The following CCNY variants were observed in gnomAD, a reference collection of about 807,000 sequenced individuals.
CCNY encodes cyclin Y.
Under a neutral mutation model 42.8 loss-of-function variants are expected in CCNY, and 19 were observed. That is an observed-to-expected ratio of 0.44 (90% confidence interval 0.31 to 0.65). CCNY has a LOEUF of 0.65. Among genes scored for constraint, CCNY ranks in the 30% least tolerant of loss-of-function variants. CCNY has a pLI of 0.07. For missense variants in CCNY, 370 were observed against 437.3 expected (o/e 0.85, Z 1.37); for synonymous variants, 165 against 162.7 (o/e 1.01, Z -0.11).
intron 1 of CCNY, among the ~76,000 whole-genome samples, chr10:35,339,069 T>A (rs906514380): frequency 2.0e-5 from 3 of 152,218 alleles, no homozygotes; most frequent in African/African-American, 7.2e-5. Flanking sequence ...TAGGGCAGGT[T>A]TCCAATCTAG....
At chr10:35,420,361 A>G (rs1838133830) in intron 1 of CCNY, among the ~76,000 whole-genome samples, 1 of 152,194 alleles carries the variant, frequency 6.6e-6, no homozygotes, top group African/African-American at 2.4e-5. Context: ...AGCGAGCCCT[A>G]GAAACCAGGC....
intron 1 of CCNY, among the ~76,000 whole-genome samples, chr10:35,470,041 C>T (rs1208328696): frequency 1.5e-5 from 2 of 136,006 alleles, no homozygotes; most frequent in African/African-American, 5.8e-5. Flanking sequence ...AGTGGAGAGA[C>T]AGACAGGGAG....
chr10:35,522,973 G>A (rs1265469138), intron 4 of CCNY, among the ~76,000 whole-genome samples: 1 of 152,198 alleles, frequency 6.6e-6, no homozygotes, highest in East Asian at 1.9e-4. Flanking sequence ...AGACCTGGCT[G>A]TTCGGGTGAA....
intron 3 of CCNY, among the ~76,000 whole-genome samples, chr10:35,298,249 C>A (rs1835494298): frequency 6.6e-6 from 1 of 152,134 alleles, no homozygotes; most frequent in Admixed American, 6.6e-5. Flanking sequence ...TATAATCTCA[C>A]CATATTCAAG....
intron 1 of CCNY, among the ~76,000 whole-genome samples, chr10:35,406,817 C>T (rs1437567874): frequency 2.6e-5 from 4 of 151,872 alleles, no homozygotes; most frequent in African/African-American, 4.8e-5. Context: ...CAGGCAGAGG[C>T]GCCCCTCACC....
intron 7 of CCNY, among the ~76,000 whole-genome samples, chr10:35,544,506 A>C (rs920936309): frequency 1.3e-5 from 2 of 152,190 alleles, no homozygotes; most frequent in African/African-American, 4.8e-5. Flanking sequence ...ACAAGGATTG[A>C]ATTGCCTAAT....
intron 3 of CCNY, among the ~76,000 whole-genome samples, chr10:35,297,543 G>A (rs937130746): frequency 1.1e-4 from 16 of 152,250 alleles, no homozygotes; most frequent in Middle Eastern, 3.4e-3. Flanking sequence ...AGGAAGAGAG[G>A]AAGTCAAACT....
rs763262866 is a variant in CCNY, at chr10:35,337,044, G to C, written c.-10G>C. ...ACAGGATAGCAGCAGGAGTCGGGGG[G>C]CCGCCGAAGATGGGGAACACTACCT... On this transcript the variant is annotated 5_prime_UTR_variant, in exon 1 of 10. Transcript: ENST00000374704. The C allele has an allele frequency of 6.4e-6, 10 of 1,554,032 alleles. No homozygotes were observed. Among genetic ancestry groups the C allele is most frequent in the Non-Finnish European group, 8.7e-6 (10 of 1,149,878 alleles).
At chr10:35,385,872 G>C (rs1241992603) in intron 1 of CCNY, among the ~76,000 whole-genome samples, 1 of 152,168 alleles carries the variant, frequency 6.6e-6, no homozygotes, top group Non-Finnish European at 1.5e-5. Context: ...AAGAGAAAAG[G>C]TCAGCATCAT....
At chr10:35,494,707 A>G (rs1839972958) in intron 2 of CCNY, among the ~76,000 whole-genome samples, 1 of 152,256 alleles carries the variant, frequency 6.6e-6, no homozygotes, top group African/African-American at 2.4e-5. Context: ...CAATCAGTCA[A>G]AATGCTAACA....
chr10:35,503,097 C>T (rs961250535), intron 3 of CCNY, among the ~76,000 whole-genome samples: 1 of 152,134 alleles, frequency 6.6e-6, no homozygotes, highest in Non-Finnish European at 1.5e-5. Context: ...GCCCCACCCC[C>T]CCAACAGGCA....
At chr10:35,322,098 G>A (rs1314758192) in intron 3 of CCNY, among the ~76,000 whole-genome samples, 1 of 152,230 alleles carries the variant, frequency 6.6e-6, no homozygotes, top group African/African-American at 2.4e-5. Flanking sequence ...GCTCACGCCT[G>A]TAATCCCAGC....
At chr10:35,283,417 T>TA (rs1245282524) in intron 3 of CCNY, among the ~76,000 whole-genome samples, 2 of 152,002 alleles carry the variant, frequency 1.3e-5, no homozygotes, top group East Asian at 3.9e-4. Context: ...TTTTTTTTTT[T>TA]AGAGACTGAG....
chr10:35,261,421 A>G (rs1410555369), intron 3 of CCNY, among the ~76,000 whole-genome samples: 1 of 151,654 alleles, frequency 6.6e-6, no homozygotes, highest in African/African-American at 2.4e-5. Context: ...TATTTTTAGT[A>G]GAGACAGGGT....
chr10:35,363,302 C>T (rs1421769099), intron 1 of CCNY, among the ~76,000 whole-genome samples: 1 of 141,510 alleles, frequency 7.1e-6, no homozygotes, highest in African/African-American at 2.7e-5. Flanking sequence ...ACTTCCCAGA[C>T]GGTTGGGGGG....
chr10:35,333,609 T>G (rs1244216095), upstream of CCNY, among the ~76,000 whole-genome samples: 3 of 152,206 alleles, frequency 2.0e-5, no homozygotes, highest in African/African-American at 7.2e-5. Context: ...AATTAGGACA[T>G]TTCTCAGTAT....
At chr10:35,406,732 A>G (rs962731782) in intron 1 of CCNY, among the ~76,000 whole-genome samples, 2 of 151,974 alleles carry the variant, frequency 1.3e-5, no homozygotes, top group African/African-American at 2.4e-5. Context: ...CCTGTTCTCA[A>G]TGAGCTGTTG....
chr10:35,445,588 CAG>C (rs1838774186), intron 1 of CCNY, among the ~76,000 whole-genome samples: 1 of 151,952 alleles, frequency 6.6e-6, no homozygotes, highest in Non-Finnish European at 1.5e-5. Context: ...GGGAGGGAGA[CAG>C]AAGCCATGTT....
At chr10:35,282,873 C>T (rs1835313774) in intron 3 of CCNY, among the ~76,000 whole-genome samples, 1 of 152,146 alleles carries the variant, frequency 6.6e-6, no homozygotes, top group African/African-American at 2.4e-5. Flanking sequence ...TGCTTAACAA[C>T]AAATGACAGC....
Sources: allele counts gnomAD v4.1 joint callset (sites outside exome capture counted in the v4.1 genomes callset), GRCh38; gene constraint gnomAD v4.1.1; transcripts MANE v1.5; gene names NCBI Gene and HGNC (gene_info 2026-07-23, HGNC 2026-07-21).